Variants in MOXD1 observed in about 807,000 individuals in gnomAD.
MOXD1 encodes DBH-like monooxygenase protein 1.
A neutral mutation model predicts 66.6 loss-of-function variants in MOXD1; 62 were observed. The ratio of observed to expected loss-of-function variants is 0.93; its 90% CI spans 0.76 to 1.15. The LOEUF is 1.15. Among genes scored for constraint, MOXD1 ranks in the 50% most tolerant of loss-of-function variants. The pLI, the probability that MOXD1 is intolerant of heterozygous loss-of-function variation, is 0.00. For missense variants in MOXD1, 847 were observed against 754.6 expected (o/e 1.12, Z -1.44); for synonymous variants, 303 against 281.9 (o/e 1.07, Z -0.75).
intron 6 of MOXD1, among the ~76,000 whole-genome samples, chr6:132,327,634 A>G (rs1018351136): frequency 8.5e-5 from 13 of 152,234 alleles, no homozygotes; most frequent in African/African-American, 3.1e-4. Flanking sequence ...ACTTTTTAGT[A>G]TAATAAATGG....
chr6:132,372,747 T>C, intron 3 of MOXD1, 56 bp from the exon 4 acceptor site: 1 of 1,607,676 alleles, frequency 6.2e-7, no homozygotes, highest in East Asian at 2.2e-5. Flanking sequence ...AACATGCTCC[T>C]GAATACAATA....
At chr6:132,322,517 C>G (rs1318289511) in intron 8 of MOXD1, among the ~76,000 whole-genome samples, 162 bp downstream of exon 8, 4 of 152,152 alleles carry the variant, frequency 2.6e-5, no homozygotes, top group African/African-American at 9.7e-5. Flanking sequence ...GAAAACAGAT[C>G]AAACACATTC....
chr6:132,310,821 G>A (rs1774811187), intron 10 of MOXD1, among the ~76,000 whole-genome samples: 2 of 152,080 alleles, frequency 1.3e-5, no homozygotes, highest in African/African-American at 4.8e-5. Context: ...ACAGAGAGGG[G>A]AGCAACACAC....
chr6:132,363,488 T>C (rs569436093), intron 4 of MOXD1, among the ~76,000 whole-genome samples: 17 of 152,292 alleles, frequency 1.1e-4, no homozygotes, highest in Middle Eastern at 3.4e-3. Flanking sequence ...TTATTTTTCA[T>C]TGTAACTTAT....
chr6:132,299,482 A>T (rs926233689), intron 10 of MOXD1, among the ~76,000 whole-genome samples: 1 of 151,950 alleles, frequency 6.6e-6, no homozygotes, highest in African/African-American at 2.4e-5. Context: ...TATAGAATAC[A>T]CTCTGCCTTC....
chr6:132,388,413 A>G (rs1776693132), intron 1 of MOXD1, among the ~76,000 whole-genome samples: 1 of 151,468 alleles, frequency 6.6e-6, no homozygotes, highest in Non-Finnish European at 1.5e-5. Flanking sequence ...TTTACCGCTC[A>G]GCAGATATTT....
chr6:132,361,318 C>CA (rs202139650), intron 4 of MOXD1, among the ~76,000 whole-genome samples: 13,590 of 133,558 alleles, frequency 0.1, 858 homozygotes, highest in African/African-American at 0.2. Flanking sequence ...CCATTTTCAC[C>CA]AAAAAAAAAA....
chr6:132,345,385 T>A (rs1775650033), intron 4 of MOXD1, among the ~76,000 whole-genome samples: 1 of 152,080 alleles, frequency 6.6e-6, no homozygotes, highest in Non-Finnish European at 1.5e-5. Context: ...AATGCTGGCC[T>A]CACAGAATAA....
intron 4 of MOXD1, among the ~76,000 whole-genome samples, chr6:132,330,900 CTG>C (rs1300023914): frequency 6.6e-6 from 1 of 152,166 alleles, no homozygotes; most frequent in African/African-American, 2.4e-5. Flanking sequence ...CAGTTTTCTT[CTG>C]TGTTACATAG....
In MOXD1 at chr6:132,305,314, T is replaced by C. The variant is rs571684503; in HGVS notation, c.1509-7359A>G. Among the ~76,000 whole-genome samples the C allele has an allele frequency of 2.4e-4, 37 of 152,336 alleles. No homozygotes were observed. In the South Asian group the frequency reaches 7.5e-3, roughly 31 times the overall value. On this transcript the variant is annotated intron_variant, in intron 10 of 11. Coordinates refer to ENST00000367963, the MANE Select transcript of MOXD1 (RefSeq NM_015529.4). ...CCTTCCTCACTGGGTGGGGCTTCCCTGGAGGAACTCCAATGACTCCAACTA... is the reference window on the plus strand; with the variant it reads ...CCTTCCTCACTGGGTGGGGCTTCCCCGGAGGAACTCCAATGACTCCAACTA...
intron 4 of MOXD1, among the ~76,000 whole-genome samples, chr6:132,335,739 T>G (rs1775423049): frequency 6.6e-6 from 1 of 152,252 alleles, no homozygotes. Context: ...AGGAAATTCA[T>G]ACATCCTCAA....
At chr6:132,372,799 C>G in intron 3 of MOXD1, 31 bp downstream of exon 3, 5 of 1,611,710 alleles carry the variant, frequency 3.1e-6, no homozygotes, top group Admixed American at 1.7e-5. Flanking sequence ...ATAAGCCCAT[C>G]CCTACAATCA....
At chr6:132,360,797 A>C (rs1776004006) in intron 4 of MOXD1, among the ~76,000 whole-genome samples, 1 of 152,214 alleles carries the variant, frequency 6.6e-6, no homozygotes, top group South Asian at 2.1e-4. Context: ...GCAGACACTC[A>C]CTAGATACTC....
At chr6:132,340,799 AC>A (rs1775542004) in intron 4 of MOXD1, among the ~76,000 whole-genome samples, 1 of 151,406 alleles carries the variant, frequency 6.6e-6, no homozygotes, top group South Asian at 2.1e-4. Context: ...GGCGCCCGCC[AC>A]CGCGCCCGGC....
chr6:132,375,672 G>A (rs963206878), intron 1 of MOXD1, among the ~76,000 whole-genome samples: 1 of 151,984 alleles, frequency 6.6e-6, no homozygotes, highest in African/African-American at 2.4e-5. Flanking sequence ...TGCCCATCTC[G>A]GCCTCCCAAA....
chr6:132,296,852 T>C lies in MOXD1; in HGVS notation c.*301A>G, dbSNP rs1053275629. 4.7e-6 allele frequency: 1 copy of C among 214,152 alleles called. No homozygotes were observed. The highest frequency in any genetic ancestry group is 9.2e-6 in the Non-Finnish European group (1 of 108,636). 13.3% of individuals were successfully genotyped at this position (214,152 alleles called of 1,614,324 possible). A position where few individuals can be genotyped will look rare whatever the true frequency, so the allele number is the denominator to read the frequency against. ...ATGAGTATTTAAATAAAACAGAATG[T>C]AGTAGGAAAGAAAGAATTCTTTTAT... On this transcript the variant is annotated 3_prime_UTR_variant, in exon 12 of 12. Coordinates refer to ENST00000367963, the MANE Select transcript of MOXD1 (RefSeq NM_015529.4).
Position 132,340,795 on chromosome 6 carries a change from C to T in MOXD1, c.664-12201G>A, listed in dbSNP as rs923686997. On this transcript the variant is annotated intron_variant, in intron 4 of 11. Coordinates refer to ENST00000367963, the MANE Select transcript of MOXD1 (RefSeq NM_015529.4). The stretch of plus-strand genomic sequence containing the variant: ...TGGAGTAGCTGGGACTACAGGCGCC[C>T]GCCACCGCGCCCGGCTAATTTTTTG... Among the ~76,000 whole-genome samples, 10 of 151,626 alleles carry T rather than the reference C, an allele frequency of 6.6e-5. 1 individual carries two copies. Among genetic ancestry groups the T allele is most frequent in the Admixed American group, 6.6e-4 (10 of 15,242 alleles).
At chr6:132,336,018 TA>T (rs1775427956) in intron 4 of MOXD1, among the ~76,000 whole-genome samples, 1 of 152,224 alleles carries the variant, frequency 6.6e-6, no homozygotes, top group African/African-American at 2.4e-5. Context: ...GGGAGGTTAC[TA>T]GCGCCCTTTT....
chr6:132,324,413 G>A (rs543355846), intron 6 of MOXD1, among the ~76,000 whole-genome samples: 12 of 152,238 alleles, frequency 7.9e-5, no homozygotes, highest in Middle Eastern at 6.8e-3. Flanking sequence ...AAGACAGAAT[G>A]AAGATTCTAA....
Sources: gnomAD v4.1 joint callset for allele counts (sites outside exome capture counted in the v4.1 genomes callset) on GRCh38, gnomAD v4.1.1 for gene constraint, MANE v1.5 for transcripts, NCBI Gene and HGNC (gene_info 2026-07-23, HGNC 2026-07-21) for gene names.